Variants in LCORL observed in about 807,000 individuals in gnomAD.
The protein encoded by LCORL is ligand-dependent nuclear receptor corepressor-like protein.
Under a neutral mutation model 141.8 loss-of-function variants are expected in LCORL, and 41 were observed. The observed-to-expected ratio is 0.29, with a 90% confidence interval of 0.23 to 0.38. The LOEUF (loss-of-function observed/expected upper bound fraction) is 0.38. Among genes scored for constraint, LCORL ranks in the 10% least tolerant of loss-of-function variants. The probability of loss-of-function intolerance (pLI) is 1.00; values close to 1 mark genes in which losing one functional copy is unlikely to be tolerated. For missense variants in LCORL, 1,759 were observed against 2,035.0 expected (o/e 0.86, Z 2.61); for synonymous variants, 618 against 694.1 (o/e 0.89, Z 1.72).
chr4:17,982,620 AT>A (rs567986289), intron 1 of LCORL, among the ~76,000 whole-genome samples: 12 of 151,748 alleles, frequency 7.9e-5, no homozygotes, highest in East Asian at 3.9e-4. Flanking sequence ...TTTAATGGAA[AT>A]TTTTTTTCTT....
intron 1 of LCORL, among the ~76,000 whole-genome samples, chr4:18,015,562 C>G (rs1269180243): frequency 6.6e-6 from 1 of 151,916 alleles, no homozygotes; most frequent in Non-Finnish European, 1.5e-5. Flanking sequence ...TTAGAAGGTG[C>G]CACAATTTAC....
At chr4:17,921,226 C>T (rs537441174) in intron 4 of LCORL, among the ~76,000 whole-genome samples, 1 of 152,022 alleles carries the variant, frequency 6.6e-6, no homozygotes, top group African/African-American at 2.4e-5. Context: ...CAGGGTTTCA[C>T]CATGTTGGCC....
chr4:17,880,702 C>T (rs1477850224), intron 6 of LCORL: 1 of 975,286 alleles, frequency 1.0e-6, no homozygotes, highest in Non-Finnish European at 1.2e-6. Flanking sequence ...TGCTTTACTA[C>T]AAATTACAAC....
intron 4 of LCORL, among the ~76,000 whole-genome samples, chr4:17,923,568 C>T (rs1402355660): frequency 6.6e-6 from 1 of 152,076 alleles, no homozygotes; most frequent in Non-Finnish European, 1.5e-5. Context: ...ATCGCTCGAA[C>T]CCGGGAGGCG....
chr4:18,009,739 A>G (rs1225402235), intron 1 of LCORL, among the ~76,000 whole-genome samples: 1 of 151,390 alleles, frequency 6.6e-6, no homozygotes, highest in Non-Finnish European at 1.5e-5. Flanking sequence ...ATACCAGGCC[A>G]CTCTCCTTCA....
exon 7 of LCORL, chr4:17,873,696 A>G: frequency 8.1e-7 from 1 of 1,233,942 alleles, no homozygotes; most frequent in Non-Finnish European, 1.0e-6. Context: ...TGATTCTTCC[A>G]TATGAGTCTG....
At chr4:17,907,276 G>T (rs1349903043) in intron 5 of LCORL, among the ~76,000 whole-genome samples, 1 of 152,188 alleles carries the variant, frequency 6.6e-6, no homozygotes, top group Non-Finnish European at 1.5e-5. Context: ...GGTAGACAGT[G>T]CGGTGAGAGT....
chr4:17,871,045 C>G (rs1417851313), intron 7 of LCORL, among the ~76,000 whole-genome samples: 3 of 151,970 alleles, frequency 2.0e-5, no homozygotes, highest in Non-Finnish European at 4.4e-5. Flanking sequence ...TCTCTTAAGT[C>G]TCCAGTCAGT....
Position 17,972,277 on chromosome 4 carries a change from A to G in LCORL, c.220+543T>C, listed in dbSNP as rs75553842. Reference sequence around the variant, plus strand: ...CTAGCTCTTCAGATATTAGAAAGACATGTCCTAACAAAAACAAATAAAAGG... The same window carrying G: ...CTAGCTCTTCAGATATTAGAAAGACGTGTCCTAACAAAAACAAATAAAAGG... On this transcript the variant is annotated intron_variant, in intron 2 of 7. Transcript: ENST00000635767. Among the ~76,000 whole-genome samples the G allele has an allele frequency of 2.0e-5, 3 of 151,970 alleles. No homozygotes were observed. The East Asian group carries it at 5.8e-4, about 29-fold the overall frequency.
intron 4 of LCORL, among the ~76,000 whole-genome samples, chr4:17,929,965 AAAG>A (rs745489263): frequency 6.6e-6 from 1 of 152,206 alleles, no homozygotes; most frequent in African/African-American, 2.4e-5. Context: ...ACATTTCTAC[AAAG>A]AAGATGTTAC....
intron 7 of LCORL, among the ~76,000 whole-genome samples, chr4:17,859,894 T>C (rs1006568467): frequency 6.6e-6 from 1 of 152,180 alleles, no homozygotes; most frequent in Non-Finnish European, 1.5e-5. Flanking sequence ...AGGAATTTAT[T>C]CTTCATTCTT....
chr4:18,019,954 G>C (rs914005434), intron 1 of LCORL, among the ~76,000 whole-genome samples: 3 of 152,092 alleles, frequency 2.0e-5, no homozygotes, highest in Non-Finnish European at 2.9e-5. Context: ...AGAATACCTA[G>C]AGGTTTTTTT....
At chr4:17,971,352 C>T (rs1019378667) in intron 2 of LCORL, among the ~76,000 whole-genome samples, 9 of 151,370 alleles carry the variant, frequency 5.9e-5, no homozygotes, top group Non-Finnish European at 1.2e-4. Context: ...TCTAACAATT[C>T]TTCCACATCA....
At chr4:18,002,057 A>C (rs1011285518) in intron 1 of LCORL, among the ~76,000 whole-genome samples, 11 of 152,186 alleles carry the variant, frequency 7.2e-5, no homozygotes, top group African/African-American at 2.4e-4. Context: ...CATAAGTACC[A>C]AATTATCATG....
chr4:17,904,101 C>A (rs1169092272), intron 5 of LCORL, among the ~76,000 whole-genome samples: 2 of 151,930 alleles, frequency 1.3e-5, no homozygotes, highest in Non-Finnish European at 2.9e-5. Context: ...ATGAGCCTAA[C>A]TATTAGAGTT....
At chr4:17,868,823 C>A (rs1416785703) in intron 7 of LCORL, among the ~76,000 whole-genome samples, 1 of 152,082 alleles carries the variant, frequency 6.6e-6, no homozygotes, top group East Asian at 1.9e-4. Flanking sequence ...AATCTAAGGG[C>A]CCACCTTTCT....
rs1491365373 is a variant in LCORL, at chr4:17,990,097, T to TTA, written c.155-17213_155-17212insTA. On this transcript the variant is annotated intron_variant, in intron 1 of 7. Transcript: ENST00000635767. The stretch of plus-strand genomic sequence containing the variant: ...GCAGAAAAAAAGAAAACTCTCTGCG[T>TTA]TTTTTTTTTTTTTTTTTTTGAAATG... Among the ~76,000 whole-genome samples the TTA allele has an allele frequency of 6.1e-3, 647 of 105,208 alleles. 3 individuals are homozygous for TTA. The highest frequency in any genetic ancestry group is 0.025 in the African/African-American group (610 of 24,432). 69.0% of individuals were successfully genotyped at this position (105,208 alleles called of 152,430 possible).
chr4:17,927,216 C>T (rs1387062379), intron 4 of LCORL, among the ~76,000 whole-genome samples: 1 of 152,198 alleles, frequency 6.6e-6, no homozygotes, highest in Non-Finnish European at 1.5e-5. Flanking sequence ...CTTCCAACTT[C>T]TCTCCTGAAG....
chr4:17,903,463 G>A (rs1484074417), intron 5 of LCORL, among the ~76,000 whole-genome samples: 1 of 151,900 alleles, frequency 6.6e-6, no homozygotes, highest in African/African-American at 2.4e-5. Context: ...GAATTTAGGA[G>A]TTTTTACTCT....
Sources: allele counts gnomAD v4.1 joint callset (sites outside exome capture counted in the v4.1 genomes callset), GRCh38; gene constraint gnomAD v4.1.1; transcripts MANE v1.5; gene names NCBI Gene and HGNC (gene_info 2026-07-23, HGNC 2026-07-21).